PKNOX2: variants seen among roughly 807,000 people sequenced by gnomAD.
PKNOX2 encodes the protein PBX/knotted 1 homeobox 2, also known as homeobox protein PKNOX2.
In PKNOX2, 14 loss-of-function variants were observed where a neutral mutation model predicts 53.1. The observed-to-expected ratio is 0.26, with a 90% confidence interval of 0.17 to 0.41. The LOEUF (loss-of-function observed/expected upper bound fraction) is 0.41. PKNOX2 is among the 10% of genes least tolerant of loss of function. The pLI is 1.00. For synonymous variants in PKNOX2, 257 were observed against 242.8 expected, an observed-to-expected ratio of 1.06 and a Z score of -0.54; for missense variants, 496 against 602.8, an observed-to-expected ratio of 0.82 and a Z score of 1.85.
chr11:125,423,475 C>T (rs1956269372), intron 10 of PKNOX2, among the ~76,000 whole-genome samples: 1 of 152,228 alleles, frequency 6.6e-6, no homozygotes, highest in South Asian at 2.1e-4. Flanking sequence ...GCTTTCCCCA[C>T]TCACCTTTAA....
At chr11:125,414,355 G>C (rs1955752077) in intron 10 of PKNOX2, among the ~76,000 whole-genome samples, 2 of 152,206 alleles carry the variant, frequency 1.3e-5, no homozygotes, top group African/African-American at 4.8e-5. Context: ...AGTGGGCACA[G>C]GTGCAGGTGC....
chr11:125,250,253 G>A (rs1267297880), intron 2 of PKNOX2, among the ~76,000 whole-genome samples: 2 of 151,954 alleles, frequency 1.3e-5, no homozygotes, highest in Middle Eastern at 3.4e-3. Flanking sequence ...CTCAAGTTAC[G>A]TATATTTCTT....
chr11:125,255,814 A>G (rs571350039), intron 2 of PKNOX2, among the ~76,000 whole-genome samples: 1 of 152,042 alleles, frequency 6.6e-6, no homozygotes, highest in East Asian at 1.9e-4. Context: ...CCAACACACC[A>G]GAGTCTCCCA....
intron 2 of PKNOX2, among the ~76,000 whole-genome samples, chr11:125,281,510 C>T (rs1361639651): frequency 1.3e-5 from 2 of 152,216 alleles, no homozygotes; most frequent in African/African-American, 2.4e-5. Context: ...TTGATTGCCT[C>T]TCTTTCCTTA....
At chr11:125,233,669 CT>C (rs1187403353) in intron 1 of PKNOX2, among the ~76,000 whole-genome samples, 1 of 152,196 alleles carries the variant, frequency 6.6e-6, no homozygotes, top group Non-Finnish European at 1.5e-5. Context: ...GAGACAGCCC[CT>C]GAGGAAATGA....
chr11:125,322,704 C>A (rs1475158041), intron 2 of PKNOX2, among the ~76,000 whole-genome samples: 1 of 152,222 alleles, frequency 6.6e-6, no homozygotes, highest in Non-Finnish European at 1.5e-5. Flanking sequence ...TCTGCCATCA[C>A]CCCTGTGTCC....
chr11:125,241,605 C>T (rs774234975), intron 2 of PKNOX2, among the ~76,000 whole-genome samples: 6 of 152,190 alleles, frequency 3.9e-5, no homozygotes, highest in Non-Finnish European at 5.9e-5. Context: ...GCCTGTAATC[C>T]CAGCACTTTG....
intron 2 of PKNOX2, among the ~76,000 whole-genome samples, chr11:125,294,695 C>A (rs111246494): frequency 1.6e-4 from 24 of 152,230 alleles, no homozygotes; most frequent in African/African-American, 5.3e-4. Context: ...GTCTGCTCCT[C>A]ACTAGCTCCA....
intron 6 of PKNOX2, among the ~76,000 whole-genome samples, chr11:125,388,946 G>A (rs576199896): frequency 6.6e-5 from 10 of 152,296 alleles, no homozygotes; most frequent in Middle Eastern, 3.4e-3. Flanking sequence ...TGTAATCCCA[G>A]CACTTTGGGA....
Position 125,165,204 on chromosome 11 carries a change from G to T in PKNOX2, c.-201+428G>T, listed in dbSNP as rs1474041368. 4.0e-5 allele frequency among the ~76,000 whole-genome samples: 6 copies of T among 151,264 alleles called. No homozygotes were observed. The highest frequency in any genetic ancestry group is 8.8e-5 in the Non-Finnish European group (6 of 67,808). On this transcript the variant is annotated intron_variant, in intron 1 of 12. Coordinates refer to ENST00000298282, the MANE Select transcript of PKNOX2 (RefSeq NM_001382323.2). This position sits in a 1 kb window ranked among gnomAD's most constrained non-coding sequence, Gnocchi z 4.5. ...TTGGGCCCGTGGCCGGCCGCGCATTGTCCTCGGGTGCAAGGAGCCGGGCTG... is the reference window on the plus strand; with the variant it reads ...TTGGGCCCGTGGCCGGCCGCGCATTTTCCTCGGGTGCAAGGAGCCGGGCTG...
chr11:125,243,623 CTTTTT>C (rs1284507032), intron 2 of PKNOX2, among the ~76,000 whole-genome samples: 1 of 138,448 alleles, frequency 7.2e-6, no homozygotes, highest in Admixed American at 7.3e-5. Flanking sequence ...CTGGGACTTT[CTTTTT>C]TTTTTTTTTT....
intron 1 of PKNOX2, among the ~76,000 whole-genome samples, chr11:125,227,996 C>G (rs7947042): frequency 0.023 from 3,491 of 152,216 alleles, 118 homozygotes; most frequent in African/African-American, 0.079. Flanking sequence ...CTGGAGCAAG[C>G]CTGGGTTAGA....
chr11:125,275,646 G>A (rs1344047150), intron 2 of PKNOX2, among the ~76,000 whole-genome samples: 1 of 152,116 alleles, frequency 6.6e-6, no homozygotes, highest in Non-Finnish European at 1.5e-5. Flanking sequence ...ATGTAGTTGA[G>A]GAAAGGAAGG....
chr11:125,327,696 G>A (rs1206374250), intron 2 of PKNOX2, among the ~76,000 whole-genome samples: 2 of 152,190 alleles, frequency 1.3e-5, no homozygotes, highest in East Asian at 3.9e-4. Flanking sequence ...TCTCTGTCAT[G>A]TGAGTGGTCC....
chr11:125,395,872 A>G (rs1385536337), intron 6 of PKNOX2, among the ~76,000 whole-genome samples: 1 of 151,630 alleles, frequency 6.6e-6, no homozygotes, highest in Non-Finnish European at 1.5e-5. Context: ...TCCAGTATGT[A>G]GTCTTTTCCT....
chr11:125,182,800 C>A (rs1240105253), intron 1 of PKNOX2, among the ~76,000 whole-genome samples: 1 of 152,174 alleles, frequency 6.6e-6, no homozygotes, highest in Admixed American at 6.5e-5. Flanking sequence ...TGGGGAAGGA[C>A]CCTTGGATTT....
intron 2 of PKNOX2, among the ~76,000 whole-genome samples, chr11:125,302,065 C>A (rs368916031): frequency 6.6e-6 from 1 of 152,162 alleles, no homozygotes; most frequent in Non-Finnish European, 1.5e-5. Flanking sequence ...AGACGCAGTT[C>A]GCCAGCTGCC....
chr11:125,400,456 C>G (rs767528729), intron 7 of PKNOX2, among the ~76,000 whole-genome samples: 7 of 152,172 alleles, frequency 4.6e-5, no homozygotes, highest in Non-Finnish European at 1.0e-4. Flanking sequence ...GCTCAGAAAC[C>G]CTGCTTGCCA....
intron 1 of PKNOX2, among the ~76,000 whole-genome samples, chr11:125,206,754 A>C (rs622509): frequency 0.48 from 73,200 of 151,904 alleles, 18,477 homozygotes; most frequent in African/African-American, 0.57. Context: ...AAGCTAACAG[A>C]CGTCTTGGAG....
Sources: allele counts gnomAD v4.1 joint callset (sites outside exome capture counted in the v4.1 genomes callset), GRCh38; gene constraint gnomAD v4.1.1; non-coding constraint Gnocchi (gnomAD v3.1); transcripts MANE v1.5; gene names NCBI Gene and HGNC (gene_info 2026-07-23, HGNC 2026-07-21).